Variants in FRMD4B observed in about 807,000 individuals in gnomAD.
FRMD4B encodes the protein FERM domain containing 4B, also known as FERM domain-containing protein 4B.
Under a neutral mutation model 141.5 loss-of-function variants are expected in FRMD4B, and 74 were observed. That is an observed-to-expected ratio of 0.52 (90% confidence interval 0.43 to 0.63). The LOEUF is 0.63. Among genes scored for constraint, FRMD4B ranks in the 30% least tolerant of loss-of-function variants. FRMD4B has a pLI of 0.00. For missense variants in FRMD4B, 1,366 were observed against 1,253.4 expected, an observed-to-expected ratio of 1.09 and a Z score of -1.36; for synonymous variants, 506 against 467.9, an observed-to-expected ratio of 1.08 and a Z score of -1.05.
rs556490061 is a variant in FRMD4B at position 69,171,470 on chromosome 3, G to T, written c.*391C>A. On this transcript the variant is annotated 3_prime_UTR_variant, in exon 23 of 23. Transcript: ENST00000398540. ...CCCTTCTCTCATCCTGCTGAATTGTGCTCTGAGATTTCCCCTGTTCTTATT... is the reference window on the plus strand; with the variant it reads ...CCCTTCTCTCATCCTGCTGAATTGTTCTCTGAGATTTCCCCTGTTCTTATT... The T allele has an allele frequency of 6.0e-6, 1 of 166,752 alleles. No homozygotes were observed. Among genetic ancestry groups the T allele is most frequent in the African/African-American group, 2.4e-5 (1 of 41,762 alleles). 10.3% of individuals were successfully genotyped at this position (166,752 alleles called of 1,614,324 possible).
chr3:69,432,144 T>A (rs1465033304), intron 2 of FRMD4B, among the ~76,000 whole-genome samples: 1 of 152,216 alleles, frequency 6.6e-6, no homozygotes, highest in East Asian at 1.9e-4. Flanking sequence ...AAGCTCTCCC[T>A]TACTCCAATT....
chr3:69,425,870 G>C (rs1705068066), intron 2 of FRMD4B, among the ~76,000 whole-genome samples: 1 of 152,202 alleles, frequency 6.6e-6, no homozygotes. Flanking sequence ...TAACTCCAGA[G>C]CGTATGCTTA....
intron 2 of FRMD4B, among the ~76,000 whole-genome samples, chr3:69,416,474 AC>A (rs1704863496): frequency 6.6e-6 from 1 of 152,174 alleles, no homozygotes; most frequent in Admixed American, 6.5e-5. Flanking sequence ...TTAGATTGCA[AC>A]CCACTGAATC....
intron 1 of FRMD4B, among the ~76,000 whole-genome samples, chr3:69,464,550 G>T (rs569728879): frequency 6.6e-6 from 1 of 152,258 alleles, no homozygotes; most frequent in African/African-American, 2.4e-5. Flanking sequence ...AGTATGCAAT[G>T]GTTTGCAAAT....
rs1258109543 is a variant in FRMD4B, at chr3:69,338,502, C to T, written c.163-24985G>A. Among the ~76,000 whole-genome samples the T allele has an allele frequency of 2.6e-5, 4 of 152,042 alleles. No individual in the cohort carries two copies. The East Asian group carries it at 7.7e-4, about 29-fold the overall frequency. On this transcript the variant is annotated intron_variant, in intron 1 of 22. Transcript: ENST00000398540. ...ATATACACCATGGAATATTATGCAG[C>T]CATAAAAAAGTGAGAAAATGTCCTT...
intron 1 of FRMD4B, among the ~76,000 whole-genome samples, chr3:69,505,916 GATA>G (rs973603794): frequency 2.0e-5 from 3 of 152,274 alleles, no homozygotes; most frequent in Admixed American, 2.0e-4. Context: ...GTGAATCCTG[GATA>G]ATGTTTACAA....
chr3:69,206,285 T>G (rs576645452), intron 11 of FRMD4B, among the ~76,000 whole-genome samples: 141 of 152,090 alleles, frequency 9.3e-4, no homozygotes, highest in African/African-American at 3.2e-3. Context: ...AGGAGGCAGA[T>G]GTTGCAGTGA....
intron 2 of FRMD4B, among the ~76,000 whole-genome samples, chr3:69,396,935 A>G (rs578091741): frequency 6.6e-6 from 1 of 152,228 alleles, no homozygotes; most frequent in African/African-American, 2.4e-5. Flanking sequence ...CCATACGTTT[A>G]TCAGCTGATA....
chr3:69,341,873 G>C (rs1702750308), intron 1 of FRMD4B, among the ~76,000 whole-genome samples: 1 of 152,178 alleles, frequency 6.6e-6, no homozygotes, highest in South Asian at 2.1e-4. Context: ...AGATGTCCCA[G>C]CCTCACACTG....
At chr3:69,523,990 G>A (rs1700894975) in intron 1 of FRMD4B, among the ~76,000 whole-genome samples, 1 of 152,146 alleles carries the variant, frequency 6.6e-6, no homozygotes, top group East Asian at 1.9e-4. Context: ...TAACTGGATT[G>A]CATTCTTTAC....
chr3:69,345,246 A>G (rs1354667673), intron 1 of FRMD4B, among the ~76,000 whole-genome samples: 1 of 152,188 alleles, frequency 6.6e-6, no homozygotes, highest in Non-Finnish European at 1.5e-5. Flanking sequence ...TGGCTAGCAC[A>G]GCAGTCTGAG....
At chr3:69,511,808 C>T (rs1298536113) in intron 1 of FRMD4B, among the ~76,000 whole-genome samples, 1 of 152,212 alleles carries the variant, frequency 6.6e-6, no homozygotes, top group Admixed American at 6.5e-5. Flanking sequence ...CCTATTCTTA[C>T]CCCACTTACC....
chr3:69,520,258 AAT>A (rs1301774390), intron 1 of FRMD4B, among the ~76,000 whole-genome samples: 43 of 76,356 alleles, frequency 5.6e-4, no homozygotes, highest in Middle Eastern at 6.5e-3. Flanking sequence ...TATATGATGG[AAT>A]ATATATATAT....
At chr3:69,496,637 A>AAG (rs1169584495) in intron 1 of FRMD4B, among the ~76,000 whole-genome samples, 3,929 of 56,376 alleles carry the variant, frequency 0.07, 214 homozygotes, top group East Asian at 0.15. Flanking sequence ...GAGAGAGAGA[A>AAG]AGAGAGAGAG....
chr3:69,474,586 C>T (rs1705951107), intron 1 of FRMD4B, among the ~76,000 whole-genome samples: 2 of 152,128 alleles, frequency 1.3e-5, no homozygotes, highest in Admixed American at 1.3e-4. Context: ...AGTCTAAATG[C>T]TTCATATATT....
intron 2 of FRMD4B, among the ~76,000 whole-genome samples, chr3:69,414,051 T>C (rs1255673231): frequency 6.6e-6 from 1 of 152,184 alleles, no homozygotes; most frequent in Non-Finnish European, 1.5e-5. Flanking sequence ...GACGTGCATA[T>C]GGCATGTTCC....
At chr3:69,538,893 TAAC>T (rs1701123712) in intron 1 of FRMD4B, among the ~76,000 whole-genome samples, 1 of 152,078 alleles carries the variant, frequency 6.6e-6, no homozygotes, top group Non-Finnish European at 1.5e-5. Context: ...CTAAAACAAA[TAAC>T]AACTACATTG....
chr3:69,305,110 C>T (rs75359610), intron 3 of FRMD4B, among the ~76,000 whole-genome samples: 4,353 of 152,250 alleles, frequency 0.029, 214 homozygotes, highest in African/African-American at 0.096. Flanking sequence ...GAATCCAGGG[C>T]TTCCTTTCTT....
chr3:69,539,420 TTC>T (rs1701132463), intron 1 of FRMD4B, among the ~76,000 whole-genome samples: 1 of 152,200 alleles, frequency 6.6e-6, no homozygotes, highest in African/African-American at 2.4e-5. Flanking sequence ...TCCCACACTT[TTC>T]TAGATTAGGC....
Sources: gnomAD v4.1 joint callset for allele counts (sites outside exome capture counted in the v4.1 genomes callset) on GRCh38, gnomAD v4.1.1 for gene constraint, MANE v1.5 for transcripts, NCBI Gene and HGNC (gene_info 2026-07-23, HGNC 2026-07-21) for gene names.